The following SAMD5 variants were observed in gnomAD, a reference collection of about 807,000 sequenced individuals.
SAMD5 encodes sterile alpha motif domain-containing protein 5.
In SAMD5, 13 loss-of-function variants were observed where a neutral mutation model predicts 11.3. The observed-to-expected ratio is 1.15, with a 90% confidence interval of 0.75 to 1.83. The LOEUF (loss-of-function observed/expected upper bound fraction) is 1.83, where lower values mean the gene tolerates loss of function less well. SAMD5 is among the 40% of genes most tolerant of loss of function. The pLI is 0.00. For missense variants in SAMD5, 255 were observed against 239.1 expected, an observed-to-expected ratio of 1.07 and a Z score of -0.44; for synonymous variants, 129 against 111.3, an observed-to-expected ratio of 1.16 and a Z score of -1.00.
chr6:147,698,210 C>A (rs1481723781), intron 1 of SAMD5, among the ~76,000 whole-genome samples: 1 of 151,998 alleles, frequency 6.6e-6, no homozygotes, highest in African/African-American at 2.4e-5. Context: ...CAGACCGGTA[C>A]CTGTCTGTGG....
the SAMD5 span, among the ~76,000 whole-genome samples, chr6:147,936,208 G>T: frequency 2.0e-5 from 3 of 152,094 alleles, no homozygotes; most frequent in Admixed American, 1.3e-4. Context: ...TAATCTCCCT[G>T]GTCTGACTAT....
chr6:147,546,674 A>G (rs1788692848), intron 1 of SAMD5, among the ~76,000 whole-genome samples: 1 of 152,196 alleles, frequency 6.6e-6, no homozygotes. Flanking sequence ...GTGCTAAGAA[A>G]GAGGAAAATC....
chr6:147,698,965 G>A (rs1461112694), intron 1 of SAMD5, among the ~76,000 whole-genome samples: 1 of 152,182 alleles, frequency 6.6e-6, no homozygotes, highest in Non-Finnish European at 1.5e-5. Flanking sequence ...CAACAGAAAG[G>A]AGGCTGGTGT....
chr6:147,780,676 G>C, the SAMD5 span, among the ~76,000 whole-genome samples: 2 of 151,982 alleles, frequency 1.3e-5, no homozygotes, highest in Admixed American at 1.3e-4. Flanking sequence ...CGTTCAGATA[G>C]GTTTAATTAA....
chr6:147,951,465 C>T, the SAMD5 span, among the ~76,000 whole-genome samples: 8 of 152,098 alleles, frequency 5.3e-5, no homozygotes, highest in East Asian at 7.7e-4. Context: ...TCATTTCTAC[C>T]ATCACAGCCC....
Position 147,546,406 on chromosome 6 carries a change from T to G in SAMD5, c.460-17988T>G, listed in dbSNP as rs182185715. Among the ~76,000 whole-genome samples, 3 of 152,196 alleles carry G rather than the reference T, an allele frequency of 2.0e-5. No homozygotes were observed. The East Asian group carries it at 5.8e-4, about 29-fold the overall frequency. On this transcript the variant is annotated intron_variant, in intron 1 of 1. Coordinates refer to ENST00000367474, the MANE Select transcript of SAMD5 (RefSeq NM_001030060.3). ...TTTACCTGGTGTGGTGGCGCATGCC[T>G]GTAATCTCAGCTACTTGGGAGGCTG...
intron 1 of SAMD5, chr6:147,730,074 C>CCAAAA: frequency 3.3e-6 from 1 of 305,112 alleles, no homozygotes; most frequent in Non-Finnish European, 6.0e-6. Context: ...GACTCTGTCT[C>CCAAAA]AAAAAAAAAA....
chr6:147,833,850 C>T, the SAMD5 span, among the ~76,000 whole-genome samples: 1 of 152,132 alleles, frequency 6.6e-6, no homozygotes, highest in Non-Finnish European at 1.5e-5. Flanking sequence ...ATTGATGCTT[C>T]GTTTTTGTGA....
chr6:147,599,122 C>A (rs564622711), intron 1 of SAMD5, among the ~76,000 whole-genome samples: 58 of 152,236 alleles, frequency 3.8e-4, no homozygotes, highest in African/African-American at 1.3e-3. Flanking sequence ...CCAAATGGTT[C>A]CAAGTGTCCC....
chr6:147,607,413 A>T (rs981699027), intron 1 of SAMD5, among the ~76,000 whole-genome samples: 3 of 152,148 alleles, frequency 2.0e-5, no homozygotes, highest in Non-Finnish European at 4.4e-5. Context: ...GAATCACAAC[A>T]CCTGACTTCA....
the SAMD5 span, among the ~76,000 whole-genome samples, chr6:147,888,160 T>C: frequency 6.6e-6 from 1 of 152,206 alleles, no homozygotes; most frequent in Non-Finnish European, 1.5e-5. Context: ...TTGATGAAGT[T>C]CAATTTATTA....
Position 147,658,893 on chromosome 6 carries a change from C to T in SAMD5, c.163-78424C>T, listed in dbSNP as rs374629768. ...TGTATGGATCAGCTAATTTGATCTG[C>T]GTTCATTTTAGAGATGAGGAAACAG... is the stretch of plus-strand genomic sequence containing the variant. On this transcript the variant is annotated intron_variant, in intron 1 of 1. Coordinates refer to the SAMD5 transcript ENST00000566741. 5.5e-4 allele frequency among the ~76,000 whole-genome samples: 84 copies of T among 152,198 alleles called. 1 individual carries two copies. In the East Asian group the frequency reaches 9.4e-3, roughly 17 times the overall value.
the SAMD5 span, among the ~76,000 whole-genome samples, chr6:147,770,061 G>T: frequency 6.6e-6 from 1 of 152,156 alleles, no homozygotes; most frequent in Non-Finnish European, 1.5e-5. Context: ...TAGTTTCTTA[G>T]TTGGAACCAA....
chr6:147,535,211 A>C (rs1303656081), intron 1 of SAMD5, among the ~76,000 whole-genome samples: 4 of 152,190 alleles, frequency 2.6e-5, no homozygotes, highest in Non-Finnish European at 5.9e-5. Flanking sequence ...CAAGGTGAGA[A>C]GCGTGTAACC....
the SAMD5 span, among the ~76,000 whole-genome samples, chr6:147,827,635 T>G: frequency 6.6e-6 from 1 of 152,200 alleles, no homozygotes; most frequent in African/African-American, 2.4e-5. Context: ...TCAGGAAGTG[T>G]TCTTGTCTCT....
chr6:147,940,646 G>T, the SAMD5 span, among the ~76,000 whole-genome samples: 1 of 152,096 alleles, frequency 6.6e-6, no homozygotes, highest in Non-Finnish European at 1.5e-5. Flanking sequence ...TCATCTTGTG[G>T]TCAAAGGCAA....
chr6:147,583,843 A>ACACACACACACAC (rs1562326563), intron 1 of SAMD5, among the ~76,000 whole-genome samples: 3 of 151,726 alleles, frequency 2.0e-5, no homozygotes, highest in South Asian at 2.1e-4. Context: ...ACACACACAC[A>ACACACACACACAC]AAATGGCTAT....
At chr6:147,934,687 A>G in the SAMD5 span, among the ~76,000 whole-genome samples, 1 of 152,062 alleles carries the variant, frequency 6.6e-6, no homozygotes, top group Non-Finnish European at 1.5e-5. Context: ...AACAGAACCT[A>G]TGGACCTGTG....
chr6:147,735,767 A>G (rs963024678), intron 1 of SAMD5, among the ~76,000 whole-genome samples: 1 of 151,966 alleles, frequency 6.6e-6, no homozygotes, highest in African/African-American at 2.4e-5. Flanking sequence ...GACTTGATGT[A>G]TTTTTTAGAA....
Sources: gnomAD v4.1 joint callset for allele counts (sites outside exome capture counted in the v4.1 genomes callset) on GRCh38, gnomAD v4.1.1 for gene constraint, MANE v1.5 for transcripts, NCBI Gene and HGNC (gene_info 2026-07-23, HGNC 2026-07-21) for gene names.